Variants in DNM2 observed in about 807,000 individuals in gnomAD.
DNM2 encodes dynamin-2.
In DNM2, 15 loss-of-function variants were observed where a neutral mutation model predicts 99.0. That is an observed-to-expected ratio of 0.15 (90% CI 0.10 to 0.23). DNM2 has a LOEUF of 0.23. Among genes scored for constraint, DNM2 ranks in the 10% least tolerant of loss-of-function variants. The pLI is 1.00. For synonymous variants in DNM2, 525 were observed against 481.2 expected, an observed-to-expected ratio of 1.09 and a Z score of -1.19; for missense variants, 742 against 1,189.4, an observed-to-expected ratio of 0.62 and a Z score of 5.53.
intron 2 of DNM2, chr19:10,768,445 C>G (rs2070870388): frequency 6.6e-6 from 1 of 152,280 alleles, no homozygotes; most frequent in Non-Finnish European, 1.5e-5. Context: ...CAGAGCGAGA[C>G]TTCGTCTCAA....
intron 2 of DNM2, among the ~76,000 whole-genome samples, chr19:10,760,104 G>A (rs2070567869): frequency 6.6e-6 from 1 of 151,856 alleles, no homozygotes; most frequent in Non-Finnish European, 1.5e-5. Flanking sequence ...TGCTATCTTG[G>A]CTCACTGCAA....
intron 1 of DNM2, among the ~76,000 whole-genome samples, chr19:10,739,003 C>T (rs992907647): frequency 2.6e-5 from 4 of 151,952 alleles, no homozygotes; most frequent in African/African-American, 9.7e-5. Flanking sequence ...CCCGTCTCTA[C>T]TAAAAATACA....
chr19:10,785,056 G>C (rs1001667874), intron 6 of DNM2, among the ~76,000 whole-genome samples: 1 of 152,046 alleles, frequency 6.6e-6, no homozygotes, highest in African/African-American at 2.4e-5. Context: ...AATCTCAGGT[G>C]ATCTGCCCGC....
At position 10,791,725 on chromosome 19, in the gene DNM2, G is replaced by C. The variant is rs191728932; in HGVS notation, c.993-1995G>C. The stretch of plus-strand genomic sequence containing the variant: ...TCCCCCTCCCCCCGTCGCCCAGTCT[G>C]TTGTCTGTCATTAGTTTAGTGCTAT... On this transcript the variant is annotated intron_variant, in intron 7 of 20. Transcript: ENST00000389253. Among the ~76,000 whole-genome samples, 107 of 152,124 alleles carry C rather than the reference G, an allele frequency of 7.0e-4. 3 individuals are homozygous for C. In the East Asian group the frequency reaches 0.019, roughly 27 times the overall value.
At chr19:10,781,635 G>T (rs1202312176) in intron 5 of DNM2, 1 of 152,176 alleles carries the variant, frequency 6.6e-6, no homozygotes, top group Admixed American at 6.6e-5. Flanking sequence ...ACAAAAATTA[G>T]CCAGGCGTGG....
intron 9 of DNM2, 133 bp from the exon 10 acceptor site, chr19:10,797,247 C>T (rs887188995): frequency 1.1e-5 from 14 of 1,332,984 alleles, no homozygotes; most frequent in South Asian, 1.3e-5. Context: ...CAAATGCGGG[C>T]GCAGGCTCCC....
chr19:10,772,980 T>G lies in DNM2; in HGVS notation c.385+352T>G, dbSNP rs1043325783. 3.4e-3 allele frequency among the ~76,000 whole-genome samples: 24 copies of G among 6,970 alleles called. No homozygotes were observed. Among genetic ancestry groups the G allele is most frequent in the African/African-American group, 6.0e-3 (22 of 3,674 alleles). The allele number at this position is 6,970 out of a possible 152,430, so 4.6% of individuals were successfully genotyped here. A position where few individuals can be genotyped will look rare whatever the true frequency, so the allele number is the denominator to read the frequency against. The stretch of plus-strand genomic sequence containing the variant: ...CCAGTCTTCTGTAAAATATCCTGGG[T>G]TTTTTTTTTTTTTTTTTGAGACAGA... On this transcript the variant is annotated intron_variant, in intron 3 of 20. Coordinates refer to ENST00000389253, the MANE Select transcript of DNM2 (RefSeq NM_001005361.3). The surrounding 1 kb of genome is among the most constrained non-coding windows in gnomAD (Gnocchi z 4.9).
chr19:10,748,370 G>A (rs1429216768), intron 1 of DNM2, among the ~76,000 whole-genome samples: 2 of 152,188 alleles, frequency 1.3e-5, no homozygotes, highest in Non-Finnish European at 2.9e-5. Context: ...AGGCGGGTGG[G>A]TGAGGGCCAG....
intron 18 of DNM2, among the ~76,000 whole-genome samples, chr19:10,827,199 C>T (rs1199304834): frequency 6.6e-6 from 1 of 152,104 alleles, no homozygotes; most frequent in Non-Finnish European, 1.5e-5. Context: ...TCCTCATATA[C>T]CGATAGGATC....
intron 1 of DNM2, among the ~76,000 whole-genome samples, chr19:10,720,402 G>A (rs1346497305): frequency 4.6e-5 from 7 of 151,562 alleles, no homozygotes; most frequent in Admixed American, 3.3e-4. Context: ...TAGTAGAGAC[G>A]GGGTTTCACC....
chr19:10,822,187 CTTTTT>C (rs1245880128), intron 16 of DNM2, among the ~76,000 whole-genome samples: 1 of 140,574 alleles, frequency 7.1e-6, no homozygotes, highest in Non-Finnish European at 1.6e-5. Flanking sequence ...TTTTCTTTTT[CTTTTT>C]TTTTTTTTTT....
intron 7 of DNM2, among the ~76,000 whole-genome samples, chr19:10,786,989 A>T (rs766879179): frequency 6.6e-6 from 1 of 152,240 alleles, no homozygotes; most frequent in Non-Finnish European, 1.5e-5. Flanking sequence ...ATGTCAAAAT[A>T]TGAAAGTGGT....
intron 1 of DNM2, among the ~76,000 whole-genome samples, chr19:10,747,593 C>G (rs2070034854): frequency 6.6e-6 from 1 of 152,152 alleles, no homozygotes; most frequent in Non-Finnish European, 1.5e-5. Context: ...GAAGTCTCCT[C>G]ATCTGTAAAA....
chr19:10,773,063 T>C (rs2071033769), intron 3 of DNM2, among the ~76,000 whole-genome samples: 1 of 144,912 alleles, frequency 6.9e-6, no homozygotes, highest in African/African-American at 2.5e-5. Context: ...CGCTGCAACC[T>C]CCACCTCCCA....
At chr19:10,792,005 T>G (rs1422672253) in intron 7 of DNM2, among the ~76,000 whole-genome samples, 1 of 152,176 alleles carries the variant, frequency 6.6e-6, no homozygotes, top group Non-Finnish European at 1.5e-5. Context: ...GGAGAATCAC[T>G]TGAACCCGGC....
Position 10,772,054 on chromosome 19 carries a change from T to TTTTTATTTTATTTTA in DNM2, c.236-411_236-397dup, listed in dbSNP as rs61545691. ...GACGATGATTGGGTCATTATTTTCT[T>TTTTTATTTTATTTTA]TTTTATTTTATTTTATTTTATTTTA... is the stretch of plus-strand genomic sequence containing the variant. On this transcript the variant is annotated intron_variant, in intron 2 of 20. Transcript: ENST00000389253. This position sits in a 1 kb window ranked among gnomAD's most constrained non-coding sequence, Gnocchi z 4.9. Among the ~76,000 whole-genome samples the TTTTTATTTTATTTTA allele has an allele frequency of 8.9e-4, 131 of 146,582 alleles. 1 individual carries two copies. The highest frequency in any genetic ancestry group is 3.0e-3 in the African/African-American group (119 of 39,740).
At chr19:10,729,734 C>A (rs1297808366) in intron 1 of DNM2, among the ~76,000 whole-genome samples, 1 of 152,134 alleles carries the variant, frequency 6.6e-6, no homozygotes, top group Non-Finnish European at 1.5e-5. Context: ...CTGCCCAGCC[C>A]GTCCCTTCCT....
chr19:10,788,224 C>T (rs1271982968), intron 7 of DNM2, among the ~76,000 whole-genome samples: 2 of 148,038 alleles, frequency 1.4e-5, no homozygotes, highest in Admixed American at 6.7e-5. Flanking sequence ...CAGAGTAAGA[C>T]TCCGTCTCAA....
At chr19:10,732,554 C>A (rs1050658341) in intron 1 of DNM2, among the ~76,000 whole-genome samples, 1 of 151,642 alleles carries the variant, frequency 6.6e-6, no homozygotes, top group African/African-American at 2.4e-5. Context: ...GAGCCGAGAT[C>A]GCGCCACTGC....
Sources: gnomAD v4.1 joint callset for allele counts (sites outside exome capture counted in the v4.1 genomes callset) on GRCh38, gnomAD v4.1.1 for gene constraint, Gnocchi (gnomAD v3.1) non-coding constraint, MANE v1.5 for transcripts, NCBI Gene and HGNC (gene_info 2026-07-23, HGNC 2026-07-21) for gene names.